Variants in ADARB2 observed in about 807,000 individuals in gnomAD.
ADARB2 encodes adenosine deaminase RNA specific B2 (inactive), also known as inactive double-stranded RNA-specific editase B2.
ADARB2 carries 25 observed loss-of-function variants against 62.2 expected under a neutral mutation model. The observed-to-expected ratio is 0.40, with a 90% CI of 0.29 to 0.56. The LOEUF (loss-of-function observed/expected upper bound fraction) is 0.56, where lower values mean the gene tolerates loss of function less well. Ranked by LOEUF, ADARB2 falls within the 20% of genes least tolerant of loss-of-function variation. The pLI is 0.43. For synonymous variants in ADARB2, 572 were observed against 500.8 expected, an observed-to-expected ratio of 1.14 and a Z score of -1.90; for missense variants, 1,071 against 1,077.4, an observed-to-expected ratio of 0.99 and a Z score of 0.08.
intron 3 of ADARB2, among the ~76,000 whole-genome samples, chr10:1,353,194 T>G (rs1347701791): frequency 2.0e-5 from 3 of 152,214 alleles, no homozygotes; most frequent in Admixed American, 6.5e-5. Context: ...GGATAGATGA[T>G]CTTTGCTGGC....
At chr10:1,693,162 A>G (rs892042788) in intron 1 of ADARB2, among the ~76,000 whole-genome samples, 2 of 152,162 alleles carry the variant, frequency 1.3e-5, no homozygotes, top group African/African-American at 4.8e-5. Context: ...GGCTTTGTCT[A>G]CTGTTGAAGG....
intron 7 of ADARB2, among the ~76,000 whole-genome samples, chr10:1,205,747 G>A (rs971773324): frequency 1.3e-5 from 2 of 152,282 alleles, no homozygotes; most frequent in African/African-American, 4.8e-5. Flanking sequence ...GCGCCAAGAG[G>A]AGCGGATTCC....
At chr10:1,345,015 C>T (rs1832065633) in intron 3 of ADARB2, among the ~76,000 whole-genome samples, 1 of 152,164 alleles carries the variant, frequency 6.6e-6, no homozygotes, top group Non-Finnish European at 1.5e-5. Context: ...AACACAGCTG[C>T]CCAGAAGGGC....
At chr10:1,308,103 A>T (rs1212244410) in intron 3 of ADARB2, among the ~76,000 whole-genome samples, 1 of 151,826 alleles carries the variant, frequency 6.6e-6, no homozygotes, top group Non-Finnish European at 1.5e-5. Flanking sequence ...TTAAAAAAAA[A>T]AAGTATCTCC....
In ADARB2 at chr10:1,179,092, A is replaced by G. The variant is rs904164820; in HGVS notation, c.*4101T>C. On this transcript the variant is annotated 3_prime_UTR_variant, in exon 10 of 10. Coordinates refer to ENST00000381312, the MANE Select transcript of ADARB2 (RefSeq NM_018702.4). ...TCAGTTGTTTTAAACAATACACTATAGACACATCTTGAAATTTATTATCTA... is the reference window on the plus strand; with the variant it reads ...TCAGTTGTTTTAAACAATACACTATGGACACATCTTGAAATTTATTATCTA... The G allele has an allele frequency of 1.3e-5, 2 of 151,742 alleles. No homozygotes were observed. Among genetic ancestry groups the G allele is most frequent in the Admixed American group, 1.3e-4 (2 of 15,204 alleles). 9.4% of individuals were successfully genotyped at this position (151,742 alleles called of 1,614,324 possible). A position where few individuals can be genotyped will look rare whatever the true frequency, so the allele number is the denominator to read the frequency against.
chr10:1,603,693 CT>C (rs11407289), intron 1 of ADARB2, among the ~76,000 whole-genome samples: 3,932 of 143,448 alleles, frequency 0.027, 116 homozygotes, highest in East Asian at 0.12. Flanking sequence ...GAGCTGTGAT[CT>C]TTTTTTTTTT....
chr10:1,603,492 A>G (rs1322788004), intron 1 of ADARB2, among the ~76,000 whole-genome samples: 1 of 152,092 alleles, frequency 6.6e-6, no homozygotes. Flanking sequence ...CTAACCTCCT[A>G]CCCATAGCGT....
At chr10:1,461,987 G>A (rs1831180527) in intron 1 of ADARB2, among the ~76,000 whole-genome samples, 1 of 152,186 alleles carries the variant, frequency 6.6e-6, no homozygotes, top group Admixed American at 6.5e-5. Flanking sequence ...GGGCAACAGA[G>A]TGAGACTCCA....
At chr10:1,727,926 T>C (rs1835187810) in intron 1 of ADARB2, among the ~76,000 whole-genome samples, 1 of 152,228 alleles carries the variant, frequency 6.6e-6, no homozygotes, top group Non-Finnish European at 1.5e-5. Flanking sequence ...AGTTTTTGTC[T>C]AAAGACACAT....
intron 6 of ADARB2, among the ~76,000 whole-genome samples, chr10:1,225,815 C>T (rs1354922688): frequency 4.6e-5 from 7 of 151,940 alleles, no homozygotes; most frequent in African/African-American, 1.2e-4. Flanking sequence ...GTGGGTAACC[C>T]GACCTTTCTC....
At chr10:1,375,800 A>G (rs887327551) in intron 2 of ADARB2, among the ~76,000 whole-genome samples, 22 of 122,740 alleles carry the variant, frequency 1.8e-4, no homozygotes, top group Non-Finnish European at 2.5e-4. Flanking sequence ...ACACACGCAC[A>G]CACACACCAC....
chr10:1,377,485 A>G (rs542722141), intron 2 of ADARB2, among the ~76,000 whole-genome samples: 5 of 66,964 alleles, frequency 7.5e-5, no homozygotes, highest in East Asian at 1.2e-3. Context: ...GTGTGTGCGC[A>G]TGTGTGTGTG....
chr10:1,270,022 A>G (rs1179409025), intron 4 of ADARB2, among the ~76,000 whole-genome samples: 3 of 152,218 alleles, frequency 2.0e-5, no homozygotes, highest in Admixed American at 2.0e-4. Flanking sequence ...GATCTTACCC[A>G]GCTACATTGT....
At chr10:1,220,589 A>G (rs1474480556) in intron 6 of ADARB2, among the ~76,000 whole-genome samples, 3 of 152,216 alleles carry the variant, frequency 2.0e-5, no homozygotes, top group Non-Finnish European at 4.4e-5. Context: ...TTTCCACAAC[A>G]TTACCACAAT....
intron 4 of ADARB2, among the ~76,000 whole-genome samples, chr10:1,266,497 G>A (rs557169377): frequency 3.6e-5 from 4 of 112,670 alleles, no homozygotes; most frequent in African/African-American, 1.3e-4. Context: ...CCTCATTGGC[G>A]CTGTGGTGGG....
chr10:1,620,498 A>C (rs1339345757), intron 1 of ADARB2, among the ~76,000 whole-genome samples: 1 of 151,912 alleles, frequency 6.6e-6, no homozygotes, highest in Non-Finnish European at 1.5e-5. Flanking sequence ...AGATCCCTTT[A>C]CACAAGAAAA....
chr10:1,685,207 CGTGA>C (rs1370310776), intron 1 of ADARB2, among the ~76,000 whole-genome samples: 8 of 152,050 alleles, frequency 5.3e-5, no homozygotes, highest in East Asian at 1.9e-4. Flanking sequence ...TTGGTGAGTG[CGTGA>C]GTGTGTGTGT....
At chr10:1,411,248 G>C (rs562794624) in intron 1 of ADARB2, among the ~76,000 whole-genome samples, 30 of 152,338 alleles carry the variant, frequency 2.0e-4, no homozygotes, top group Non-Finnish European at 4.0e-4. Context: ...CAGGCTGCAT[G>C]GTGGCTGAGG....
intron 1 of ADARB2, among the ~76,000 whole-genome samples, chr10:1,412,743 G>A (rs1228139721): frequency 2.6e-5 from 4 of 152,140 alleles, no homozygotes; most frequent in Admixed American, 6.5e-5. Flanking sequence ...GTGGGGGCAC[G>A]GCTTTCGGGG....
Sources: allele counts gnomAD v4.1 joint callset (sites outside exome capture counted in the v4.1 genomes callset), GRCh38; gene constraint gnomAD v4.1.1; transcripts MANE v1.5; gene names NCBI Gene and HGNC (gene_info 2026-07-23, HGNC 2026-07-21).